RUNDC3A: variants seen among roughly 807,000 people sequenced by gnomAD.
RUNDC3A encodes the protein RUN domain containing 3A, also known as RUN domain-containing protein 3A.
Under a neutral mutation model 53.9 loss-of-function variants are expected in RUNDC3A, and 28 were observed. That is an observed-to-expected ratio of 0.52 (90% CI 0.38 to 0.71). The LOEUF (loss-of-function observed/expected upper bound fraction) is 0.71. Among genes scored for constraint, RUNDC3A ranks in the 30% least tolerant of loss-of-function variants. The pLI is 0.00. For missense variants in RUNDC3A, 491 were observed against 597.3 expected (o/e 0.82, Z 1.85); for synonymous variants, 232 against 249.4 (o/e 0.93, Z 0.66).
intron 3 of RUNDC3A, 74 bp downstream of exon 3, chr17:44,313,326 C>T: frequency 1.2e-6 from 2 of 1,607,760 alleles, no homozygotes; most frequent in South Asian, 1.1e-5. Flanking sequence ...GTTTTTGCCC[C>T]CTGTGCACAG....
rs2047831609 is a variant in RUNDC3A, at chr17:44,315,115, A to T, written c.630-40A>T. The T allele has an allele frequency of 6.3e-7, 1 of 1,594,864 alleles. No homozygotes were observed. Among genetic ancestry groups the T allele is most frequent in the Non-Finnish European group, 8.5e-7 (1 of 1,171,144 alleles). On this transcript the variant is annotated intron_variant, in intron 6 of 10. Coordinates refer to ENST00000426726, the MANE Select transcript of RUNDC3A (RefSeq NM_001144825.2). This position sits in a 1 kb window ranked among gnomAD's most constrained non-coding sequence, Gnocchi z 6.1. ...GCGGCCAGCGCAGACGCGCGGGGGG[A>T]GGGGCGGGACCGGCCGTGCCCACTG... is the stretch of plus-strand genomic sequence containing the variant.
chr17:44,314,690 G>T (rs1358214763), intron 4 of RUNDC3A, 45 bp from the exon 5 acceptor site: 4 of 1,165,836 alleles, frequency 3.4e-6, no homozygotes, highest in South Asian at 1.5e-5. Context: ...GGGGGGGGGC[G>T]CTCCAGGGGC....
Position 44,314,993 on chromosome 17 carries a change from C to T in RUNDC3A, c.613C>T (p.Leu205=). The T allele has an allele frequency of 6.2e-7, 1 of 1,613,988 alleles. No homozygotes were observed. Among genetic ancestry groups the T allele is most frequent in the Non-Finnish European group, 8.5e-7 (1 of 1,179,896 alleles). Residue 205 remains leucine, a synonymous_variant, in exon 6 of 11, where the codon CTA becomes TTA. Transcript: ENST00000426726. ...TPVVIDYTPY[L]KFTQSYDYLT... The stretch of plus-strand genomic sequence containing the variant: ...CGTGGTCATCGATTACACGCCCTAC[C>T]TAAAGTTCACGCAGAGGTGAGCGGC...
At chr17:44,316,968 G>A (rs772940042) in intron 10 of RUNDC3A, 6 of 463,702 alleles carry the variant, frequency 1.3e-5, no homozygotes, top group South Asian at 4.4e-5. Context: ...GATTAAAAGC[G>A]CCTGCCACCA....
intron 1 of RUNDC3A, among the ~76,000 whole-genome samples, chr17:44,309,220 T>C (rs1202424118): frequency 1.4e-5 from 2 of 147,144 alleles, no homozygotes; most frequent in Non-Finnish European, 3.0e-5. Context: ...AGTGACACTG[T>C]GTGAGGGGGA....
In RUNDC3A at chr17:44,308,771, G is replaced by A. The variant is rs939158178; in HGVS notation, c.-62G>A. 1.9e-5 allele frequency: 22 copies of A among 1,170,154 alleles called. No individual in the cohort carries two copies. Among genetic ancestry groups the A allele is most frequent in the East Asian group, 2.8e-5 (1 of 35,476 alleles). The allele number at this position is 1,170,154 out of a possible 1,614,324, so 72.5% of individuals were successfully genotyped here. A position where few individuals can be genotyped will look rare whatever the true frequency, so the allele number is the denominator to read the frequency against. ...GGGCCCAGCCGTGATCCAGCGACGGGTTTGGGGCTCCGGGAGGGGTGGGGG... is the reference window on the plus strand; with the variant it reads ...GGGCCCAGCCGTGATCCAGCGACGGATTTGGGGCTCCGGGAGGGGTGGGGG... On this transcript the variant is annotated 5_prime_UTR_variant, in exon 1 of 11. Transcript: ENST00000426726.
Position 44,308,602 on chromosome 17 carries a change from C to T in RUNDC3A, c.-231C>T, listed in dbSNP as rs1287703354. The T allele has an allele frequency of 4.9e-6, 2 of 409,918 alleles. No homozygotes were observed. Among genetic ancestry groups the T allele is most frequent in the African/African-American group, 2.1e-5 (1 of 47,988 alleles). The allele number at this position is 409,918 out of a possible 1,614,324, so 25.4% of individuals were successfully genotyped here. ...GCGGCTGGAGGAGGGGGTGACGGGG[C>T]CCCGGCTCAGCACCTCGGAGAGCTC... On this transcript the variant is annotated 5_prime_UTR_variant, in exon 1 of 11. Coordinates refer to ENST00000426726, the MANE Select transcript of RUNDC3A (RefSeq NM_001144825.2).
chr17:44,318,367 G>C lies in RUNDC3A; in HGVS notation c.*129G>C. The C allele has an allele frequency of 2.8e-6, 3 of 1,073,194 alleles. No individual in the cohort carries two copies. The highest frequency in any genetic ancestry group is 4.0e-6 in the Non-Finnish European group (3 of 749,066). 66.5% of individuals were successfully genotyped at this position (1,073,194 alleles called of 1,614,324 possible). The stretch of plus-strand genomic sequence containing the variant: ...CTACCCACCCAGCCAGGGTTCTCTC[G>C]GGGAAGATCTCGTCTGCTCACCTTA... On this transcript the variant is annotated 3_prime_UTR_variant, in exon 11 of 11. Transcript: ENST00000426726.
Position 44,315,438 on chromosome 17 carries a change from C to A in RUNDC3A, c.796-14C>A. Reference sequence around the variant, plus strand: ...CGTCCTCCCAGCCGCCCGGGCTGAGCCGGCGCCCCGCAGGGCTACCTGGAG... The same window carrying A: ...CGTCCTCCCAGCCGCCCGGGCTGAGACGGCGCCCCGCAGGGCTACCTGGAG... On this transcript the variant is annotated splice_polypyrimidine_tract_variant and intron_variant, in intron 7 of 10. Coordinates refer to ENST00000426726, the MANE Select transcript of RUNDC3A (RefSeq NM_001144825.2). The surrounding 1 kb of genome is among the most constrained non-coding windows in gnomAD (Gnocchi z 6.1). 7.0e-7 allele frequency: 1 copy of A among 1,434,132 alleles called. No individual in the cohort carries two copies. Among genetic ancestry groups the A allele is most frequent in the African/African-American group, 1.5e-5 (1 of 67,228 alleles). The allele number at this position is 1,434,132 out of a possible 1,614,324, so 88.8% of individuals were successfully genotyped here.
chr17:44,317,968 C>G (rs1368298828), intron 10 of RUNDC3A, 128 bp from the exon 11 acceptor site: 1 of 949,380 alleles, frequency 1.1e-6, no homozygotes, highest in African/African-American at 1.6e-5. Flanking sequence ...CTGAAAATGG[C>G]AAATGCTGTG....
intron 4 of RUNDC3A, chr17:44,313,831 G>A (rs1162912556): frequency 2.3e-5 from 17 of 733,218 alleles, no homozygotes; most frequent in Middle Eastern, 6.2e-4. Flanking sequence ...ACAGGCATAC[G>A]CCACCATGCC....
rs187888156 is a variant in RUNDC3A, at chr17:44,316,736, C to G, written c.1198+11C>G. ...CCTGGGGTCCCATCGGTGAGCTCCC[C>G]CAACCCAACACCCAGTACCCCTCCA... On this transcript the variant is annotated intron_variant, in intron 10 of 10. Coordinates refer to ENST00000426726, the MANE Select transcript of RUNDC3A (RefSeq NM_001144825.2). 606 of 1,540,038 alleles carry G rather than the reference C, an allele frequency of 3.9e-4. No individual in the cohort carries two copies. Among genetic ancestry groups the G allele is most frequent in the Admixed American group, 7.3e-4 (37 of 50,724 alleles).
At position 44,315,680 on chromosome 17, in the gene RUNDC3A, C is replaced by A; in HGVS notation, c.953+71C>A. The stretch of plus-strand genomic sequence containing the variant: ...CACATCACCGGGTGAACCCCATCTT[C>A]ACTTCCATCGACTCTAACATCACCC... On this transcript the variant is annotated intron_variant, in intron 8 of 10. Coordinates refer to ENST00000426726, the MANE Select transcript of RUNDC3A (RefSeq NM_001144825.2). The surrounding 1 kb of genome is among the most constrained non-coding windows in gnomAD (Gnocchi z 6.1). 18 of 1,272,746 alleles carry A rather than the reference C, an allele frequency of 1.4e-5. No homozygotes were observed. The highest frequency in any genetic ancestry group is 1.8e-5 in the Non-Finnish European group (18 of 979,734). The allele number at this position is 1,272,746 out of a possible 1,614,324, so 78.8% of individuals were successfully genotyped here. A position where few individuals can be genotyped will look rare whatever the true frequency, so the allele number is the denominator to read the frequency against.
At chr17:44,309,047 G>A in intron 1 of RUNDC3A, 108 bp downstream of exon 1, 1 of 766,034 alleles carries the variant, frequency 1.3e-6, no homozygotes, top group Non-Finnish European at 2.1e-6. Flanking sequence ...GGGGAGAAAA[G>A]GGTCGAGAAT....
intron 9 of RUNDC3A, 38 bp from the exon 10 acceptor site, chr17:44,316,581 C>A: frequency 6.4e-7 from 1 of 1,569,934 alleles, no homozygotes; most frequent in Non-Finnish European, 8.6e-7. Flanking sequence ...GGAAGAAGGG[C>A]TTCCTCTACC....
chr17:44,314,679 G>T lies in RUNDC3A; in HGVS notation c.459-56G>T, dbSNP rs546549739. The T allele has an allele frequency of 2.9e-4, 374 of 1,308,508 alleles. 12 individuals carry two copies. In the Middle Eastern group the frequency reaches 3.5e-3, roughly 12 times the overall value. The allele number at this position is 1,308,508 out of a possible 1,614,324, so 81.1% of individuals were successfully genotyped here. On this transcript the variant is annotated intron_variant, in intron 4 of 10. Transcript: ENST00000426726. ...TAAGCCAACAATAGCAGCTCTGGGG[G>T]GGGGGGGGGCGCTCCAGGGGCCTGC...
rs977750628 is a variant in RUNDC3A at position 44,314,677 on chromosome 17, G to T, written c.459-58G>T. 111 of 1,011,324 alleles carry T rather than the reference G, an allele frequency of 1.1e-4. 2 individuals carry two copies. In the East Asian group the frequency reaches 2.0e-3, roughly 18 times the overall value. 62.6% of individuals were successfully genotyped at this position (1,011,324 alleles called of 1,614,324 possible). On this transcript the variant is annotated intron_variant, in intron 4 of 10. Coordinates refer to ENST00000426726, the MANE Select transcript of RUNDC3A (RefSeq NM_001144825.2). ...AGTAAGCCAACAATAGCAGCTCTGG[G>T]GGGGGGGGGGGCGCTCCAGGGGCCT...
chr17:44,317,895 C>T (rs758879587), intron 10 of RUNDC3A: 22 of 598,282 alleles, frequency 3.7e-5, no homozygotes, highest in Non-Finnish European at 5.1e-5. Flanking sequence ...CATCAACTGA[C>T]GATTACAATA....
intron 4 of RUNDC3A, chr17:44,313,733 G>A (rs2047796719): frequency 1.6e-6 from 2 of 1,269,430 alleles, no homozygotes; most frequent in African/African-American, 3.1e-5. Context: ...CCAGGCTGGA[G>A]TGCGATGGCG....
Sources: allele counts gnomAD v4.1 joint callset (sites outside exome capture counted in the v4.1 genomes callset), GRCh38; gene constraint gnomAD v4.1.1; non-coding constraint Gnocchi (gnomAD v3.1); transcripts MANE v1.5; gene names NCBI Gene and HGNC (gene_info 2026-07-23, HGNC 2026-07-21).